Variants in DIP2C observed in about 807,000 individuals in gnomAD.
DIP2C encodes the protein DIP2 acetate--CoA ligase C (putative).
In DIP2C, 33 loss-of-function variants were observed where a neutral mutation model predicts 192.4. That is an observed-to-expected ratio of 0.17 (90% CI 0.13 to 0.23). DIP2C has a LOEUF of 0.23. Ranked by LOEUF, DIP2C falls within the 10% of genes least tolerant of loss-of-function variation. DIP2C has a pLI of 1.00. For missense variants in DIP2C, 1,537 were observed against 2,110.1 expected (o/e 0.73, Z 5.32); for synonymous variants, 979 against 864.1 (o/e 1.13, Z -2.33).
intron 3 of DIP2C, among the ~76,000 whole-genome samples, chr10:470,252 G>A (rs954212674): frequency 5.3e-5 from 8 of 152,152 alleles, no homozygotes; most frequent in African/African-American, 2.4e-5. Flanking sequence ...GATGGGGAAC[G>A]GGAGAGATTG....
chr10:578,210 G>C (rs530602941), intron 1 of DIP2C, among the ~76,000 whole-genome samples: 2 of 152,038 alleles, frequency 1.3e-5, no homozygotes, highest in South Asian at 4.1e-4. Context: ...CATTTTCAAC[G>C]TTAACAAAGA....
intron 1 of DIP2C, chr10:668,862 C>G (rs1034701200): frequency 6.6e-6 from 1 of 152,174 alleles, no homozygotes; most frequent in African/African-American, 2.4e-5. Context: ...TAGCATAAAC[C>G]CTTTTTTCAT....
At chr10:644,311 C>CTAAT (rs1231219832) in intron 1 of DIP2C, among the ~76,000 whole-genome samples, 1 of 152,258 alleles carries the variant, frequency 6.6e-6, no homozygotes, top group Non-Finnish European at 1.5e-5. Context: ...AAACTCCTGA[C>CTAAT]TAATTAAACC....
At chr10:557,176 G>A (rs1014934526) in intron 1 of DIP2C, among the ~76,000 whole-genome samples, 1 of 152,204 alleles carries the variant, frequency 6.6e-6, no homozygotes, top group African/African-American at 2.4e-5. Context: ...GCAGGGATGT[G>A]CCTGGCAGCC....
chr10:458,083 T>C (rs574250741), intron 3 of DIP2C, among the ~76,000 whole-genome samples: 19 of 152,154 alleles, frequency 1.2e-4, no homozygotes, highest in Non-Finnish European at 1.6e-4. Context: ...CACATTTAAA[T>C]GTAAAAGGCC....
At chr10:579,868 C>T (rs555144569) in intron 1 of DIP2C, among the ~76,000 whole-genome samples, 2 of 151,892 alleles carry the variant, frequency 1.3e-5, no homozygotes, top group African/African-American at 2.4e-5. Context: ...TGCATATGTA[C>T]ACTATAACAC....
rs1170742938 is a variant in DIP2C, at chr10:286,390, A to T, written c.4045-43T>A. On this transcript the variant is annotated intron_variant, in intron 33 of 36. Coordinates refer to ENST00000280886, the MANE Select transcript of DIP2C (RefSeq NM_014974.3). ...AGTCTCTTGTCAATGGGAGGAATAC[A>T]GGGAGAGACTACACACAAGCCAACC... 3 of 1,563,160 alleles carry T rather than the reference A, an allele frequency of 1.9e-6. No individual in the cohort carries two copies. In the Admixed American group the frequency reaches 5.0e-5, roughly 26 times the overall value.
At chr10:491,452 C>T (rs888027208) in intron 1 of DIP2C, among the ~76,000 whole-genome samples, 3 of 152,184 alleles carry the variant, frequency 2.0e-5, no homozygotes, top group Non-Finnish European at 2.9e-5. Context: ...GCCGCAGCCT[C>T]GTTTTTAAAT....
chr10:517,726 C>T (rs370640912), intron 1 of DIP2C, among the ~76,000 whole-genome samples: 84 of 152,290 alleles, frequency 5.5e-4, no homozygotes, highest in South Asian at 3.7e-3. Flanking sequence ...CTTTGATTGA[C>T]GGCTTACAAA....
At chr10:522,167 G>A (rs368898541) in intron 1 of DIP2C, among the ~76,000 whole-genome samples, 3 of 151,906 alleles carry the variant, frequency 2.0e-5, no homozygotes, top group East Asian at 1.9e-4. Context: ...CTGTCCTGTC[G>A]TTGGACTCAG....
At chr10:329,689 A>T in intron 29 of DIP2C, 88 bp from the exon 30 acceptor site, 1 of 1,484,610 alleles carries the variant, frequency 6.7e-7, no homozygotes, top group South Asian at 1.4e-5. Context: ...CACTGACTCC[A>T]AGGAAAAGGA....
chr10:458,947 A>T (rs926784515), intron 3 of DIP2C, among the ~76,000 whole-genome samples: 1 of 148,842 alleles, frequency 6.7e-6, no homozygotes, highest in Admixed American at 6.7e-5. Context: ...CGCCTCAAGG[A>T]TGGGTTCAGA....
intron 1 of DIP2C, among the ~76,000 whole-genome samples, chr10:527,325 C>A (rs1218155415): frequency 4.6e-5 from 7 of 152,190 alleles, no homozygotes. Flanking sequence ...TTGTTCTGCT[C>A]CACACACCTC....
chr10:633,394 G>A (rs563636879), intron 1 of DIP2C, among the ~76,000 whole-genome samples: 58 of 152,022 alleles, frequency 3.8e-4, no homozygotes, highest in African/African-American at 1.3e-3. Context: ...AGGCGGTGCC[G>A]CAGAGCGGAC....
Position 470,195 on chromosome 10 carries a change from TAGAC to T in DIP2C, c.268+2240_268+2243del, listed in dbSNP as rs200439221. ...AATAACGAATACACAGACATGCAGA[TAGAC>T]AGAGTATCATGTGGTTATAATGGCG... On this transcript the variant is annotated intron_variant, in intron 3 of 36. Transcript: ENST00000280886. Among the ~76,000 whole-genome samples, 1,097 of 152,272 alleles carry T rather than the reference TAGAC, an allele frequency of 7.2e-3. 15 individuals carry two copies. Among genetic ancestry groups the T allele is most frequent in the African/African-American group, 0.023 (935 of 41,546 alleles).
intron 1 of DIP2C, among the ~76,000 whole-genome samples, chr10:658,015 C>T (rs1300453965): frequency 6.6e-6 from 1 of 151,348 alleles, no homozygotes; most frequent in Non-Finnish European, 1.5e-5. Context: ...GACCCTGGAC[C>T]TGCCCCTGGA....
intron 3 of DIP2C, among the ~76,000 whole-genome samples, chr10:455,161 C>G (rs894691919): frequency 6.6e-6 from 1 of 152,214 alleles, no homozygotes; most frequent in African/African-American, 2.4e-5. Flanking sequence ...CAGGCCGCAC[C>G]GGTTCAAACC....
intron 1 of DIP2C, among the ~76,000 whole-genome samples, chr10:646,875 G>C (rs1588667334): frequency 6.6e-6 from 1 of 152,342 alleles, no homozygotes; most frequent in East Asian, 1.9e-4. Context: ...CACAGACTCG[G>C]TTGGTAATTT....
At chr10:365,081 T>C in intron 19 of DIP2C, 1 of 497,114 alleles carries the variant, frequency 2.0e-6, no homozygotes, top group Non-Finnish European at 4.1e-6. Flanking sequence ...CCCTCTTTTT[T>C]CCTCCACCCT....
Sources: gnomAD v4.1 joint callset for allele counts (sites outside exome capture counted in the v4.1 genomes callset) on GRCh38, gnomAD v4.1.1 for gene constraint, MANE v1.5 for transcripts, NCBI Gene and HGNC (gene_info 2026-07-23, HGNC 2026-07-21) for gene names.